The following MAGI1 variants were observed in gnomAD, a reference collection of about 807,000 sequenced individuals.
MAGI1 encodes membrane-associated guanylate kinase, WW and PDZ domain-containing protein 1.
MAGI1 carries 58 observed loss-of-function variants against 139.9 expected under a neutral mutation model. That is an observed-to-expected ratio of 0.41 (90% CI 0.34 to 0.52). The LOEUF (loss-of-function observed/expected upper bound fraction) is 0.52. MAGI1 is among the 20% of genes least tolerant of loss of function. MAGI1 has a pLI of 0.12. For missense variants in MAGI1, 1,874 were observed against 1,901.6 expected (o/e 0.99, Z 0.27); for synonymous variants, 812 against 737.9 (o/e 1.10, Z -1.63).
intron 1 of MAGI1, among the ~76,000 whole-genome samples, chr3:65,788,018 G>A (rs2039514072): frequency 6.6e-6 from 1 of 152,174 alleles, no homozygotes; most frequent in Non-Finnish European, 1.5e-5. Context: ...CAAAGTTACA[G>A]GTTGCATTTT....
intron 12 of MAGI1, among the ~76,000 whole-genome samples, chr3:65,422,609 G>C (rs1036207383): frequency 6.6e-6 from 1 of 152,188 alleles, no homozygotes; most frequent in African/African-American, 2.4e-5. Flanking sequence ...ATTTTAGGCA[G>C]CAGGGATAAA....
At chr3:65,651,232 T>A (rs1009651977) in intron 1 of MAGI1, among the ~76,000 whole-genome samples, 1 of 152,208 alleles carries the variant, frequency 6.6e-6, no homozygotes, top group Non-Finnish European at 1.5e-5. Flanking sequence ...CCAGGCTCAT[T>A]AACAACCAGG....
At chr3:65,934,466 AAGGCTTACCTTC>A (rs541315971) in intron 1 of MAGI1, among the ~76,000 whole-genome samples, 148 of 152,258 alleles carry the variant, frequency 9.7e-4, no homozygotes, top group Non-Finnish European at 1.8e-3. Flanking sequence ...TTTACAAATA[AAGGCTTACCTTC>A]AGGTGGCATC....
intron 1 of MAGI1, among the ~76,000 whole-genome samples, chr3:65,744,418 A>T (rs1408831154): frequency 6.6e-6 from 1 of 152,222 alleles, no homozygotes; most frequent in African/African-American, 2.4e-5. Context: ...TGCTCAGTAA[A>T]TGTTTGCTGA....
chr3:65,412,047 G>T (rs778489448), intron 12 of MAGI1, among the ~76,000 whole-genome samples: 3 of 152,068 alleles, frequency 2.0e-5, no homozygotes, highest in Non-Finnish European at 4.4e-5. Flanking sequence ...CTGTCTCCTG[G>T]CTCCATGTCC....
intron 1 of MAGI1, among the ~76,000 whole-genome samples, chr3:65,811,991 C>T (rs1418386380): frequency 6.6e-6 from 1 of 151,318 alleles, no homozygotes; most frequent in Non-Finnish European, 1.5e-5. Context: ...CAGCTATAAA[C>T]ACAAAACTAT....
At chr3:65,967,670 T>A (rs1332510475) in intron 1 of MAGI1, among the ~76,000 whole-genome samples, 3 of 152,226 alleles carry the variant, frequency 2.0e-5, no homozygotes, top group Non-Finnish European at 4.4e-5. Flanking sequence ...TTCTTGACGC[T>A]GTACATGCAA....
chr3:65,648,314 T>TGTGCGC (rs887702314), intron 1 of MAGI1, among the ~76,000 whole-genome samples: 1 of 150,214 alleles, frequency 6.7e-6, no homozygotes, highest in Admixed American at 6.6e-5. Flanking sequence ...TGTGTGTGTG[T>TGTGCGC]GTGCGCGTGC....
At chr3:65,970,597 C>T (rs1047757793) in intron 1 of MAGI1, among the ~76,000 whole-genome samples, 13 of 151,598 alleles carry the variant, frequency 8.6e-5, no homozygotes, top group Non-Finnish European at 1.8e-4. Flanking sequence ...TTCTTTACAG[C>T]ATCCCTATAC....
chr3:65,785,968 G>A (rs940552501), intron 1 of MAGI1, among the ~76,000 whole-genome samples: 12 of 147,988 alleles, frequency 8.1e-5, no homozygotes, highest in East Asian at 2.0e-4. Context: ...ACGGAGTCTC[G>A]CTCTGTCACT....
At chr3:65,618,027 C>T (rs772443351) in intron 2 of MAGI1, among the ~76,000 whole-genome samples, 2 of 152,150 alleles carry the variant, frequency 1.3e-5, no homozygotes, top group Non-Finnish European at 2.9e-5. Flanking sequence ...GCAACAGGCC[C>T]AATCTGCAGA....
chr3:65,901,401 G>A (rs1191135402), intron 1 of MAGI1, among the ~76,000 whole-genome samples: 1 of 152,212 alleles, frequency 6.6e-6, no homozygotes, highest in Non-Finnish European at 1.5e-5. Context: ...GGAGATATGA[G>A]CGTTGTTTTT....
intron 5 of MAGI1, 87 bp downstream of exon 5, chr3:65,470,196 G>T: frequency 1.2e-6 from 1 of 866,048 alleles, no homozygotes. Context: ...TCCCTTAAAT[G>T]TAATTTACAT....
intron 2 of MAGI1, among the ~76,000 whole-genome samples, chr3:65,596,282 A>G (rs757937449): frequency 1.3e-5 from 2 of 152,214 alleles, no homozygotes; most frequent in Non-Finnish European, 2.9e-5. Context: ...TTCAATATAA[A>G]AGTCACAATG....
intron 1 of MAGI1, among the ~76,000 whole-genome samples, chr3:65,931,570 T>G (rs957500174): frequency 1.3e-5 from 2 of 152,048 alleles, no homozygotes; most frequent in Non-Finnish European, 2.9e-5. Flanking sequence ...GAGGCTGAGG[T>G]GGGAGGATCA....
rs568131887 is a variant in MAGI1, at chr3:65,704,365, A to G, written c.314-82277T>C. 3.3e-5 allele frequency among the ~76,000 whole-genome samples: 5 copies of G among 152,268 alleles called. No homozygotes were observed. In the South Asian group the frequency reaches 1.0e-3, roughly 32 times the overall value. On this transcript the variant is annotated intron_variant, in intron 1 of 22. Transcript: ENST00000402939. ...AGCACCAGCCCCAAGTGTCAACTCA[A>G]CTGCCATGTGAGGAGGGAGCATCTA...
chr3:65,847,537 G>A (rs1447973550), intron 1 of MAGI1, among the ~76,000 whole-genome samples: 1 of 152,140 alleles, frequency 6.6e-6, no homozygotes, highest in Non-Finnish European at 1.5e-5. Context: ...TCCATATGGA[G>A]ATAGTCTCAT....
intron 1 of MAGI1, among the ~76,000 whole-genome samples, chr3:65,811,945 T>TG (rs1265540275): frequency 1.3e-5 from 2 of 151,768 alleles, no homozygotes; most frequent in African/African-American, 4.8e-5. Flanking sequence ...TGTGTGTGTG[T>TG]GTGTGTGTGT....
intron 2 of MAGI1, among the ~76,000 whole-genome samples, chr3:65,523,597 T>C (rs908350221): frequency 1.3e-5 from 2 of 152,212 alleles, no homozygotes; most frequent in African/African-American, 4.8e-5. Flanking sequence ...TCCTGTTCCA[T>C]GGAGTGTTAG....
Sources: allele counts gnomAD v4.1 joint callset (sites outside exome capture counted in the v4.1 genomes callset), GRCh38; gene constraint gnomAD v4.1.1; transcripts MANE v1.5; gene names NCBI Gene and HGNC (gene_info 2026-07-23, HGNC 2026-07-21).